ARMH3: variants seen among roughly 807,000 people sequenced by gnomAD.
ARMH3 encodes armadillo-like helical domain-containing protein 3.
In ARMH3, 60 loss-of-function variants were observed where a neutral mutation model predicts 99.1. The ratio of observed to expected loss-of-function variants is 0.61; its 90% confidence interval spans 0.49 to 0.75. The LOEUF (loss-of-function observed/expected upper bound fraction) is 0.75. Ranked by LOEUF, ARMH3 falls within the 30% of genes least tolerant of loss-of-function variation. ARMH3 has a pLI of 0.00. For synonymous variants in ARMH3, 285 were observed against 292.8 expected, an observed-to-expected ratio of 0.97 and a Z score of 0.27; for missense variants, 679 against 843.1, an observed-to-expected ratio of 0.81 and a Z score of 2.41.
intron 20 of ARMH3, among the ~76,000 whole-genome samples, chr10:101,966,285 GTTTTTT>G (rs34196495): frequency 3.1e-4 from 25 of 80,620 alleles, no homozygotes; most frequent in Admixed American, 4.7e-4. Context: ...TTTGGTTTGG[GTTTTTT>G]TTTTTTTTTT....
intron 4 of ARMH3, among the ~76,000 whole-genome samples, chr10:102,032,257 T>C (rs183209367): frequency 1.1e-4 from 16 of 152,348 alleles, no homozygotes; most frequent in African/African-American, 3.4e-4. Flanking sequence ...GTCTCTTCCC[T>C]CAAGAACTCT....
intron 24 of ARMH3, among the ~76,000 whole-genome samples, 198 bp from the exon 25 acceptor site, chr10:101,850,090 C>CTCTTTTTTTT (rs752507279): frequency 1.1e-5 from 1 of 91,308 alleles, no homozygotes; most frequent in Non-Finnish European, 2.0e-5. Flanking sequence ...CTCTCTCTCT[C>CTCTTTTTTTT]TTTTTTTTTT....
intron 25 of ARMH3, 66 bp from the exon 26 acceptor site, chr10:101,847,686 C>A: frequency 6.9e-7 from 1 of 1,459,568 alleles, no homozygotes; most frequent in Non-Finnish European, 9.6e-7. Context: ...AGAGTCAGTT[C>A]TAAACGGCAG....
chr10:101,996,141 G>A (rs1847044210), intron 15 of ARMH3, among the ~76,000 whole-genome samples: 1 of 152,234 alleles, frequency 6.6e-6, no homozygotes, highest in Admixed American at 6.5e-5. Flanking sequence ...TCAAGCTTAT[G>A]TTACTTTCCA....
At chr10:102,003,203 C>T (rs1253139223) in intron 14 of ARMH3, among the ~76,000 whole-genome samples, 1 of 151,704 alleles carries the variant, frequency 6.6e-6, no homozygotes, top group African/African-American at 2.4e-5. Context: ...CGCTCTGTTG[C>T]CCAGGCTAGA....
At position 101,945,727 on chromosome 10, in the gene ARMH3, GA is replaced by G. The variant is rs761487751; in HGVS notation, c.1706-5790del. Among the ~76,000 whole-genome samples the G allele has an allele frequency of 8.0e-4, 111 of 138,250 alleles. 1 individual carries two copies. Among genetic ancestry groups the G allele is most frequent in the Non-Finnish European group, 9.9e-4 (63 of 63,450 alleles). 90.7% of individuals were successfully genotyped at this position (138,250 alleles called of 152,430 possible). A position where few individuals can be genotyped will look rare whatever the true frequency, so the allele number is the denominator to read the frequency against. On this transcript the variant is annotated intron_variant, in intron 22 of 25. Transcript: ENST00000370033. ...CAGAACGAGACTCTGTCTCAAAAAA[GA>G]AAAAAAAAAATCCAGAAGATTATAA...
At chr10:101,874,039 A>G (rs1262204257) in intron 24 of ARMH3, among the ~76,000 whole-genome samples, 3 of 152,216 alleles carry the variant, frequency 2.0e-5, no homozygotes, top group South Asian at 2.1e-4. Flanking sequence ...CAGAAAGAAG[A>G]CATAAAAGAG....
chr10:101,850,478 G>A (rs2066573315), intron 24 of ARMH3, among the ~76,000 whole-genome samples: 1 of 147,800 alleles, frequency 6.8e-6, no homozygotes, highest in East Asian at 2.0e-4. Context: ...AGGCTGGAGT[G>A]CAGTGGTGCA....
At chr10:102,001,639 C>T (rs1041819190) in intron 15 of ARMH3, among the ~76,000 whole-genome samples, 34 of 152,196 alleles carry the variant, frequency 2.2e-4, no homozygotes, top group African/African-American at 7.7e-4. Context: ...AAAGGGAATT[C>T]CCTGAAGCGT....
chr10:101,949,268 A>AG (rs1844686694), intron 22 of ARMH3, among the ~76,000 whole-genome samples: 1 of 152,044 alleles, frequency 6.6e-6, no homozygotes, highest in South Asian at 2.1e-4. Context: ...AAAATGGCAG[A>AG]GAAAAAAATC....
intron 23 of ARMH3, among the ~76,000 whole-genome samples, chr10:101,897,395 A>G (rs913219094): frequency 1.3e-5 from 2 of 152,220 alleles, no homozygotes; most frequent in African/African-American, 4.8e-5. Context: ...AAAAATTAAA[A>G]TGTTTTATCC....
intron 1 of ARMH3, among the ~76,000 whole-genome samples, chr10:102,041,229 T>C (rs1003236551): frequency 6.6e-6 from 1 of 151,652 alleles, no homozygotes. Context: ...CTCGATTTTT[T>C]TTTTCAATTG....
At chr10:101,995,087 C>G (rs1351522864) in intron 16 of ARMH3, among the ~76,000 whole-genome samples, 1 of 152,206 alleles carries the variant, frequency 6.6e-6, no homozygotes, top group East Asian at 1.9e-4. Context: ...CAGTGCTAAA[C>G]AGCGTGGAAG....
intron 20 of ARMH3, among the ~76,000 whole-genome samples, chr10:101,959,076 G>A (rs1227313845): frequency 1.3e-5 from 2 of 152,206 alleles, no homozygotes; most frequent in Non-Finnish European, 2.9e-5. Context: ...GTTCTCTGGG[G>A]TTTCATAATG....
Position 102,049,841 on chromosome 10 carries a change from G to A in ARMH3, c.-12+6244C>T, listed in dbSNP as rs140094937. Among the ~76,000 whole-genome samples, 372 of 152,152 alleles carry A rather than the reference G, an allele frequency of 2.4e-3. 1 individual carries two copies. Among genetic ancestry groups the A allele is most frequent in the African/African-American group, 8.6e-3 (356 of 41,540 alleles). On this transcript the variant is annotated intron_variant, in intron 1 of 25. Transcript: ENST00000370033. ...CAAAGTGCTAGAATTACAGGCATGA[G>A]CCACTGCACCCGGCCCCAACCTATT...
At chr10:101,982,966 G>GA (rs1381721681) in intron 19 of ARMH3, among the ~76,000 whole-genome samples, 1 of 152,188 alleles carries the variant, frequency 6.6e-6, no homozygotes, top group Non-Finnish European at 1.5e-5. Context: ...CCAGATCTGT[G>GA]AAAAAATTGT....
intron 19 of ARMH3, among the ~76,000 whole-genome samples, chr10:101,985,435 C>A (rs1022550328): frequency 6.6e-6 from 1 of 151,490 alleles, no homozygotes; most frequent in African/African-American, 2.4e-5. Flanking sequence ...TACTGGAGGC[C>A]AGGCATAGTG....
At chr10:101,904,920 C>A (rs548389412) in intron 23 of ARMH3, among the ~76,000 whole-genome samples, 10 of 149,332 alleles carry the variant, frequency 6.7e-5, no homozygotes, top group African/African-American at 2.0e-4. Flanking sequence ...CCACTGCACT[C>A]CAGCCTGGGG....
intron 20 of ARMH3, among the ~76,000 whole-genome samples, chr10:101,963,878 C>CTTT (rs1177050739): frequency 7.4e-6 from 1 of 135,698 alleles, no homozygotes; most frequent in African/African-American, 2.7e-5. Context: ...CTTTTTCTTT[C>CTTT]TTTTTTTTTT....
Sources: allele counts gnomAD v4.1 joint callset (sites outside exome capture counted in the v4.1 genomes callset), GRCh38; gene constraint gnomAD v4.1.1; transcripts MANE v1.5; gene names NCBI Gene and HGNC (gene_info 2026-07-23, HGNC 2026-07-21).